Variants in DNAH3 observed in about 807,000 individuals in gnomAD.
The protein encoded by DNAH3 is dynein axonemal heavy chain 3.
DNAH3 carries 332 observed loss-of-function variants against 432.5 expected under a neutral mutation model. The ratio of observed to expected loss-of-function variants is 0.77; its 90% CI spans 0.70 to 0.84. DNAH3 has a LOEUF of 0.84. DNAH3 is among the 40% of genes least tolerant of loss of function. The probability of loss-of-function intolerance (pLI) is 0.00; values close to 1 mark genes in which losing one functional copy is unlikely to be tolerated. For missense variants in DNAH3, 4,861 were observed against 5,114.0 expected, an observed-to-expected ratio of 0.95 and a Z score of 1.51; for synonymous variants, 1,956 against 1,900.2, an observed-to-expected ratio of 1.03 and a Z score of -0.76.
intron 54 of DNAH3, among the ~76,000 whole-genome samples, chr16:20,956,234 T>G (rs1207138523): frequency 6.6e-6 from 1 of 152,184 alleles, no homozygotes; most frequent in African/African-American, 2.4e-5. Flanking sequence ...CGGCCAGAGT[T>G]GCTAACGTTT....
At chr16:21,094,530 G>T (rs530649808) in intron 18 of DNAH3, among the ~76,000 whole-genome samples, 2 of 152,104 alleles carry the variant, frequency 1.3e-5, no homozygotes, top group Admixed American at 6.6e-5. Context: ...AATTAGCCAG[G>T]TGTGGTGGCA....
chr16:21,159,214 A>C, intron 1 of DNAH3: 1 of 1,012,488 alleles, frequency 9.9e-7, no homozygotes, highest in Non-Finnish European at 1.6e-6. Flanking sequence ...GAGATCTGCA[A>C]GTATCAAAGG....
chr16:21,069,884 A>C (rs1429659661), intron 22 of DNAH3, among the ~76,000 whole-genome samples: 1 of 152,224 alleles, frequency 6.6e-6, no homozygotes, highest in Non-Finnish European at 1.5e-5. Context: ...TGAGTGCTTT[A>C]AGTATATGGA....
intron 1 of DNAH3, among the ~76,000 whole-genome samples, chr16:21,153,945 T>C (rs1000604463): frequency 2.0e-5 from 3 of 152,216 alleles, no homozygotes; most frequent in Non-Finnish European, 4.4e-5. Flanking sequence ...ATGCTCTTTA[T>C]CACAAAGTAT....
At chr16:20,970,856 C>T (rs966032754) in intron 51 of DNAH3, among the ~76,000 whole-genome samples, 5 of 146,538 alleles carry the variant, frequency 3.4e-5, no homozygotes, top group African/African-American at 1.3e-4. Flanking sequence ...CTTTTCTTTT[C>T]TCTATTCTTT....
rs551647826 is a variant in DNAH3, at chr16:20,971,193, C to CT, written c.8260-1204dup. 1.8e-3 allele frequency among the ~76,000 whole-genome samples: 258 copies of CT among 147,322 alleles called. 7 individuals carry two copies. In the South Asian group the frequency reaches 0.041, roughly 23 times the overall value. ...GTACTTCTGAGTTTCTAACAAATCA[C>CT]TTTTTTTTTTTCTTTTTTGGTAAAG... On this transcript the variant is annotated intron_variant, in intron 51 of 61. Transcript: ENST00000261383.
intron 27 of DNAH3, among the ~76,000 whole-genome samples, chr16:21,056,376 T>TC (rs2090133888): frequency 7.5e-6 from 1 of 132,514 alleles, no homozygotes; most frequent in Non-Finnish European, 1.6e-5. Context: ...CCTTCTTTTT[T>TC]CCTCCCTCCC....
At chr16:21,047,931 T>G (rs924827857) in intron 31 of DNAH3, among the ~76,000 whole-genome samples, 3 of 151,884 alleles carry the variant, frequency 2.0e-5, no homozygotes, top group East Asian at 1.9e-4. Flanking sequence ...TGGAGTACCC[T>G]GCCGTGTGAG....
intron 44 of DNAH3, among the ~76,000 whole-genome samples, chr16:20,990,638 A>AAGGT (rs111986821): frequency 6.6e-6 from 1 of 152,148 alleles, no homozygotes; most frequent in African/African-American, 2.4e-5. Context: ...TTACAGGTAA[A>AAGGT]AGATACAGAA....
intron 29 of DNAH3, 29 bp downstream of exon 29, chr16:21,051,641 C>A: frequency 6.2e-7 from 1 of 1,609,166 alleles, no homozygotes; most frequent in Non-Finnish European, 8.5e-7. Context: ...CTCCGTTCAC[C>A]CCTCAGATCT....
chr16:21,123,554 T>C lies in DNAH3; in HGVS notation c.1405-1430A>G, dbSNP rs561038742. On this transcript the variant is annotated intron_variant, in intron 9 of 61. Transcript: ENST00000261383. ...ATTGGTCTTCTTTAGAGAGCTAACATTGCAATTCAGCCCCACTGGTTTCTA... is the reference window on the plus strand; with the variant it reads ...ATTGGTCTTCTTTAGAGAGCTAACACTGCAATTCAGCCCCACTGGTTTCTA... Among the ~76,000 whole-genome samples, 26 of 152,298 alleles carry C rather than the reference T, an allele frequency of 1.7e-4. No individual in the cohort carries two copies. The Middle Eastern group carries it at 0.01, about 60-fold the overall frequency.
chr16:20,936,618 A>C (rs1048123859), intron 60 of DNAH3, 31 bp downstream of exon 60: 2 of 1,555,452 alleles, frequency 1.3e-6, no homozygotes, highest in African/African-American at 2.7e-5. Context: ...CAAGCATGCC[A>C]GGTTCCCGGT....
rs1423151471 is a variant in DNAH3, at chr16:20,944,495, C to G, written c.11511+1G>C. The G allele has an allele frequency of 6.2e-7, 1 of 1,613,956 alleles. No homozygotes were observed. The highest frequency in any genetic ancestry group is 2.2e-5 in the East Asian group (1 of 44,868). ...AAGCCCCCTTTCCCGAGCCCAGTTACCTGAGGGGACTTGCCACTTCCTCCT... is the reference window on the plus strand; with the variant it reads ...AAGCCCCCTTTCCCGAGCCCAGTTAGCTGAGGGGACTTGCCACTTCCTCCT... On this transcript the variant is annotated splice_donor_variant, in intron 58 of 61. Coordinates refer to ENST00000261383, the Ensembl canonical transcript of DNAH3. LOFTEE classifies it high-confidence loss of function.
chr16:21,014,085 T>G (rs1015695843), intron 41 of DNAH3, among the ~76,000 whole-genome samples: 9 of 152,198 alleles, frequency 5.9e-5, no homozygotes, highest in African/African-American at 1.9e-4. Flanking sequence ...ACTCATGCTA[T>G]GAGGCCAGCA....
At chr16:21,062,381 T>TA (rs1396199695) in intron 25 of DNAH3, 101 bp downstream of exon 25, 1 of 920,416 alleles carries the variant, frequency 1.1e-6, no homozygotes, top group East Asian at 2.4e-5. Flanking sequence ...AAGTGTTCCA[T>TA]ACCCCAGGCA....
intron 50 of DNAH3, among the ~76,000 whole-genome samples, chr16:20,976,895 A>G (rs2085617800): frequency 6.6e-6 from 1 of 152,212 alleles, no homozygotes; most frequent in African/African-American, 2.4e-5. Flanking sequence ...CAGAACTATG[A>G]GAAGTAAACG....
intron 41 of DNAH3, 129 bp downstream of exon 41, chr16:21,019,495 T>C: frequency 3.9e-6 from 4 of 1,013,124 alleles, no homozygotes; most frequent in Non-Finnish European, 1.5e-6. Flanking sequence ...TCCTTACATA[T>C]TTATTAGCCA....
chr16:20,971,689 G>A lies in DNAH3; in HGVS notation c.8260-1699C>T, dbSNP rs562458892. ...GGTCACCGCCTTACAAACCTTGTGCGATCACTCACCTCCCTCCTGCTCCAA... is the reference window on the plus strand; with the variant it reads ...GGTCACCGCCTTACAAACCTTGTGCAATCACTCACCTCCCTCCTGCTCCAA... On this transcript the variant is annotated intron_variant, in intron 51 of 61. Transcript: ENST00000261383. 1.4e-3 allele frequency among the ~76,000 whole-genome samples: 219 copies of A among 152,246 alleles called. 1 individual carries two copies. The highest frequency in any genetic ancestry group is 3.5e-3 in the South Asian group (17 of 4,818).
At chr16:20,978,020 A>G (rs2085674301) in intron 50 of DNAH3, among the ~76,000 whole-genome samples, 1 of 152,192 alleles carries the variant, frequency 6.6e-6, no homozygotes, top group East Asian at 1.9e-4. Context: ...AGCTCTGTAA[A>G]TCAATCAATG....
Sources: gnomAD v4.1 joint callset for allele counts (sites outside exome capture counted in the v4.1 genomes callset) on GRCh38, gnomAD v4.1.1 for gene constraint, MANE v1.5 for transcripts, NCBI Gene and HGNC (gene_info 2026-07-23, HGNC 2026-07-21) for gene names.